The following SPINK5 variants were observed in gnomAD, a reference collection of about 807,000 sequenced individuals.
SPINK5 encodes serine peptidase inhibitor Kazal type 5.
In SPINK5, 125 loss-of-function variants were observed where a neutral mutation model predicts 151.8. The observed-to-expected ratio is 0.82, with a 90% CI of 0.71 to 0.96. The LOEUF (loss-of-function observed/expected upper bound fraction) is 0.96. Ranked by LOEUF, SPINK5 falls within the 40% of genes least tolerant of loss-of-function variation. The pLI is 0.00. For missense variants in SPINK5, 1,194 were observed against 1,291.9 expected (o/e 0.92, Z 1.16); for synonymous variants, 374 against 395.3 (o/e 0.95, Z 0.64).
intron 22 of SPINK5, among the ~76,000 whole-genome samples, chr5:148,117,762 T>A (rs1754134078): frequency 2.0e-5 from 3 of 152,108 alleles, no homozygotes. Flanking sequence ...TATAGGTGAG[T>A]TGTACAGGGC....
At chr5:148,103,482 G>C (rs961304180) in intron 15 of SPINK5, among the ~76,000 whole-genome samples, 9 of 152,122 alleles carry the variant, frequency 5.9e-5, no homozygotes, top group African/African-American at 1.9e-4. Flanking sequence ...CTGCCACTTA[G>C]TGGTCATCTT....
At chr5:148,074,550 A>G (rs1402202966) in intron 4 of SPINK5, among the ~76,000 whole-genome samples, 3 of 151,778 alleles carry the variant, frequency 2.0e-5, no homozygotes, top group African/African-American at 7.2e-5. Context: ...TATTGCTTTA[A>G]TAACTAGTAT....
In SPINK5 at chr5:148,114,502, A is replaced by T; in HGVS notation, c.2015+13A>T. On this transcript the variant is annotated intron_variant, in intron 21 of 32. Coordinates refer to ENST00000256084, the MANE Select transcript of SPINK5 (RefSeq NM_006846.4). ...GTAAGGCAGTCTTGTGAGTGCACAA[A>T]GAAAACCACTACTGTGGGATGGTGG... The T allele has an allele frequency of 6.2e-7, 1 of 1,612,988 alleles. No individual in the cohort carries two copies.
Position 148,131,313 on chromosome 5 carries a change from C to T in SPINK5, c.3019C>T (p.Pro1007Ser), listed in dbSNP as rs1314794652. ...RVLPRIGYLC[P>S]KDLKPVCGDD... ...ATTGCCCAGGATAGGTTATCTTTGT[C>T]CAAAGGATTTAAAGCCTGTCTGTGG... Residue 1007 changes from proline (P) to serine (S), a missense_variant, in exon 31 of 33, where the codon CCA (proline) becomes TCA (serine). Coordinates refer to ENST00000256084, the MANE Select transcript of SPINK5 (RefSeq NM_006846.4). The T allele has an allele frequency of 1.2e-6, 2 of 1,613,732 alleles. No homozygotes were observed. The highest frequency in any genetic ancestry group is 3.3e-5 in the Admixed American group (2 of 59,982).
intron 2 of SPINK5, among the ~76,000 whole-genome samples, chr5:148,065,764 G>A (rs1228087622): frequency 6.6e-6 from 1 of 152,014 alleles, no homozygotes; most frequent in Non-Finnish European, 1.5e-5. Flanking sequence ...AAAAGAGGGT[G>A]GTCTGTATCT....
intron 9 of SPINK5, among the ~76,000 whole-genome samples, chr5:148,094,928 C>A (rs1387387629): frequency 1.3e-5 from 2 of 151,838 alleles, no homozygotes; most frequent in Non-Finnish European, 1.5e-5. Flanking sequence ...GACATATGAC[C>A]TTGGGAGAAG....
intron 24 of SPINK5, among the ~76,000 whole-genome samples, chr5:148,119,757 C>T (rs998637539): frequency 1.3e-5 from 2 of 152,172 alleles, no homozygotes; most frequent in African/African-American, 4.8e-5. Flanking sequence ...GGGTAACTTC[C>T]CCATTTTAAA....
intron 12 of SPINK5, 60 bp from the exon 13 acceptor site, chr5:148,100,394 A>G: frequency 6.4e-7 from 1 of 1,558,242 alleles, no homozygotes; most frequent in Non-Finnish European, 8.8e-7. Flanking sequence ...TAGATGTTTG[A>G]ACCTTCTGCT....
chr5:148,132,052 T>A (rs143579818), intron 31 of SPINK5, among the ~76,000 whole-genome samples: 1 of 152,356 alleles, frequency 6.6e-6, no homozygotes, highest in African/African-American at 2.4e-5. Context: ...CTGCTAGATA[T>A]GAAAATATTT....
chr5:148,127,329 T>A (rs1754456583), intron 30 of SPINK5, among the ~76,000 whole-genome samples: 1 of 152,150 alleles, frequency 6.6e-6, no homozygotes, highest in Non-Finnish European at 1.5e-5. Flanking sequence ...TTACAATGTG[T>A]GTGTGGAATA....
chr5:148,123,965 G>A lies in SPINK5; in HGVS notation c.2666+5G>A, dbSNP rs185897034. On this transcript the variant is annotated splice_donor_5th_base_variant and intron_variant, in intron 27 of 32. Coordinates refer to ENST00000256084, the MANE Select transcript of SPINK5 (RefSeq NM_006846.4). ...TGCTATGTGTCAGAGCATCTTGTAC[G>A]TAAAAAGGTTTATCAATAAATTTGA... 84 of 1,613,662 alleles carry A rather than the reference G, an allele frequency of 5.2e-5. No homozygotes were observed. In the Admixed American group the frequency reaches 9.2e-4, roughly 18 times the overall value.
chr5:148,070,213 T>TTG, intron 2 of SPINK5, 110 bp from the exon 3 acceptor site: 1 of 1,301,842 alleles, frequency 7.7e-7, no homozygotes, highest in South Asian at 1.3e-5. Flanking sequence ...AACCTTGGAA[T>TTG]TGTGTGTGTA....
intron 18 of SPINK5, among the ~76,000 whole-genome samples, chr5:148,111,443 C>T (rs1036236234): frequency 3.3e-5 from 5 of 152,122 alleles, no homozygotes; most frequent in Admixed American, 1.3e-4. Context: ...AAGACTTAGA[C>T]GTATTTGGTG....
chr5:148,127,732 C>T (rs1754468684), intron 30 of SPINK5, among the ~76,000 whole-genome samples: 1 of 151,986 alleles, frequency 6.6e-6, no homozygotes, highest in African/African-American at 2.4e-5. Flanking sequence ...GTGCCTTGTG[C>T]CTGTAGTTCC....
chr5:148,118,512 G>A lies in SPINK5; in HGVS notation c.2188G>A (p.Asp730Asn), dbSNP rs746296715. ...SCTRESDPVR[D>N]ADGKSYNNQC... ...TACTCGGGAGAGTGATCCTGTACGT[G>A]ATGCTGATGGCAAATCGTACAACAA... The change falls in exon 23 of 33, where the codon GAT (aspartate) becomes AAT (asparagine). Residue 730 changes from aspartate to asparagine, a missense_variant. Transcript: ENST00000256084. 3 of 1,614,168 alleles carry A rather than the reference G, an allele frequency of 1.9e-6. No homozygotes were observed. Among genetic ancestry groups the A allele is most frequent in the Non-Finnish European group, 2.5e-6 (3 of 1,180,020 alleles).
intron 26 of SPINK5, among the ~76,000 whole-genome samples, chr5:148,120,873 G>A (rs1007511049): frequency 6.6e-6 from 1 of 151,968 alleles, no homozygotes; most frequent in African/African-American, 2.4e-5. Flanking sequence ...GGCCAGGCAC[G>A]GTGGCTCAGG....
At chr5:148,118,330 T>C in intron 22 of SPINK5, 107 bp from the exon 23 acceptor site, 2 of 1,538,144 alleles carry the variant, frequency 1.3e-6, no homozygotes, top group Non-Finnish European at 1.8e-6. Context: ...TTATGTTTCT[T>C]ATAAAGAGAG....
At chr5:148,128,814 C>T (rs745413669) in intron 30 of SPINK5, among the ~76,000 whole-genome samples, 3 of 152,152 alleles carry the variant, frequency 2.0e-5, no homozygotes, top group African/African-American at 2.4e-5. Context: ...TGAGCCACCG[C>T]GCCCGGCCTC....
At chr5:148,134,073 A>G in intron 32 of SPINK5, 186 bp downstream of exon 32, 1 of 684,334 alleles carries the variant, frequency 1.5e-6, no homozygotes, top group Non-Finnish European at 2.7e-6. Flanking sequence ...AAGTGGAAAT[A>G]ATGTAGCAGT....
Sources: gnomAD v4.1 joint callset for allele counts (sites outside exome capture counted in the v4.1 genomes callset) on GRCh38, gnomAD v4.1.1 for gene constraint, MANE v1.5 for transcripts, NCBI Gene and HGNC (gene_info 2026-07-23, HGNC 2026-07-21) for gene names.